Variants in FGGY observed in about 807,000 individuals in gnomAD.
FGGY encodes the protein FGGY carbohydrate kinase domain-containing protein.
Under a neutral mutation model 71.3 loss-of-function variants are expected in FGGY, and 72 were observed. The ratio of observed to expected loss-of-function variants is 1.01; its 90% CI spans 0.84 to 1.23. The LOEUF is 1.23. FGGY is among the 50% of genes most tolerant of loss of function. The pLI, the probability that FGGY is intolerant of heterozygous loss-of-function variation, is 0.00. For missense variants in FGGY, 668 were observed against 682.3 expected (o/e 0.98, Z 0.23); for synonymous variants, 251 against 250.3 (o/e 1.00, Z -0.02).
chr1:59,563,405 T>TA (rs1394525617), intron 8 of FGGY, among the ~76,000 whole-genome samples: 1 of 152,074 alleles, frequency 6.6e-6, no homozygotes, highest in Non-Finnish European at 1.5e-5. Flanking sequence ...ACACCAATAA[T>TA]AGAGAGTCAA....
intron 5 of FGGY, among the ~76,000 whole-genome samples, chr1:59,387,455 A>T (rs182705527): frequency 1.3e-5 from 2 of 152,030 alleles, no homozygotes; most frequent in East Asian, 3.9e-4. Flanking sequence ...TTTATCAACC[A>T]CTTATTTATG....
At chr1:59,378,260 A>G (rs1198941488) in intron 4 of FGGY, among the ~76,000 whole-genome samples, 1 of 151,968 alleles carries the variant, frequency 6.6e-6, no homozygotes, top group Non-Finnish European at 1.5e-5. Context: ...TTGAATCATG[A>G]GGGCAGTTTT....
chr1:59,708,610 T>G (rs145285113), intron 14 of FGGY, among the ~76,000 whole-genome samples: 19 of 152,290 alleles, frequency 1.2e-4, no homozygotes, highest in African/African-American at 3.1e-4. Context: ...GGAGGTTATG[T>G]GAGGTGGGTA....
chr1:59,707,401 AG>A (rs2097764279), intron 14 of FGGY, among the ~76,000 whole-genome samples: 1 of 152,074 alleles, frequency 6.6e-6, no homozygotes, highest in South Asian at 2.1e-4. Flanking sequence ...CTGTAGGAGG[AG>A]GGGGAGAGAG....
At chr1:59,717,584 G>A (rs1339691379) in intron 14 of FGGY, among the ~76,000 whole-genome samples, 1 of 152,120 alleles carries the variant, frequency 6.6e-6, no homozygotes, top group Non-Finnish European at 1.5e-5. Context: ...TTGGGTTTGG[G>A]ATGGCTGAAG....
chr1:59,540,104 G>A (rs894058787), intron 7 of FGGY, among the ~76,000 whole-genome samples: 9 of 152,186 alleles, frequency 5.9e-5, no homozygotes, highest in East Asian at 1.9e-4. Flanking sequence ...AAAATCAAAC[G>A]GTTTGATAAT....
chr1:59,465,708 C>G (rs2092577940), intron 6 of FGGY, among the ~76,000 whole-genome samples: 1 of 151,666 alleles, frequency 6.6e-6, no homozygotes, highest in African/African-American at 2.4e-5. Context: ...TCCTATACAC[C>G]AACAACAGAC....
chr1:59,659,235 G>A (rs1468490792), intron 11 of FGGY, among the ~76,000 whole-genome samples: 1 of 152,136 alleles, frequency 6.6e-6, no homozygotes, highest in Non-Finnish European at 1.5e-5. Flanking sequence ...TCCTGGTTTG[G>A]GTAACTGAAT....
chr1:59,452,307 A>G (rs1293891205), intron 5 of FGGY, among the ~76,000 whole-genome samples: 4 of 152,162 alleles, frequency 2.6e-5, no homozygotes, highest in Non-Finnish European at 5.9e-5. Context: ...AAAGATAAAG[A>G]TAAAATTCAG....
At chr1:59,738,420 A>G (rs2098122702) in intron 14 of FGGY, among the ~76,000 whole-genome samples, 1 of 152,260 alleles carries the variant, frequency 6.6e-6, no homozygotes, top group Non-Finnish European at 1.5e-5. Flanking sequence ...CAAGAATTGG[A>G]ATAAAAGGTA....
At chr1:59,481,066 A>T (rs1381388987) in intron 6 of FGGY, among the ~76,000 whole-genome samples, 1 of 109,304 alleles carries the variant, frequency 9.1e-6, no homozygotes, top group South Asian at 2.8e-4. Flanking sequence ...TATACAATTT[A>T]TAAGTAATAG....
At chr1:59,296,854 G>A (rs1375211148), upstream of FGGY, 1 of 152,372 alleles carries the variant, frequency 6.6e-6, no homozygotes, top group Non-Finnish European at 1.5e-5. Flanking sequence ...GGTTCGGCGC[G>A]GCTACGTGCA....
At chr1:59,540,359 C>T (rs987750544) in intron 7 of FGGY, among the ~76,000 whole-genome samples, 1 of 152,216 alleles carries the variant, frequency 6.6e-6, no homozygotes, top group Non-Finnish European at 1.5e-5. Flanking sequence ...TAGAATTCAT[C>T]AATGTTTGGT....
intron 8 of FGGY, among the ~76,000 whole-genome samples, chr1:59,587,846 A>T (rs1450250528): frequency 6.6e-6 from 1 of 152,188 alleles, no homozygotes; most frequent in Non-Finnish European, 1.5e-5. Context: ...AAAGATGGGG[A>T]AAAAACAGAG....
At chr1:59,306,090 T>C (rs1282695974) in intron 1 of FGGY, among the ~76,000 whole-genome samples, 2 of 152,256 alleles carry the variant, frequency 1.3e-5, no homozygotes, top group African/African-American at 2.4e-5. Context: ...GTGATTACTC[T>C]GTTGCCTGAT....
At chr1:59,634,207 C>A (rs2096934490) in intron 10 of FGGY, among the ~76,000 whole-genome samples, 1 of 152,084 alleles carries the variant, frequency 6.6e-6, no homozygotes, top group South Asian at 2.1e-4. Flanking sequence ...GAGATCAAGA[C>A]CATCCTGGCC....
intron 1 of FGGY, among the ~76,000 whole-genome samples, chr1:59,314,125 T>A (rs948699605): frequency 6.6e-6 from 1 of 151,996 alleles, no homozygotes; most frequent in Non-Finnish European, 1.5e-5. Flanking sequence ...GCCACCACAC[T>A]CGGCTAATTT....
intron 6 of FGGY, among the ~76,000 whole-genome samples, chr1:59,510,447 G>A (rs1258046911): frequency 2.0e-5 from 3 of 152,130 alleles, no homozygotes; most frequent in Non-Finnish European, 2.9e-5. Flanking sequence ...TTAAGATATT[G>A]TCCAGAACCG....
At chr1:59,662,490 C>A (rs2097286312) in intron 12 of FGGY, among the ~76,000 whole-genome samples, 3 of 152,096 alleles carry the variant, frequency 2.0e-5, no homozygotes, top group African/African-American at 4.8e-5. Context: ...TAGCTTGTGG[C>A]AGAGGTGGGA....
Sources: allele counts gnomAD v4.1 joint callset (sites outside exome capture counted in the v4.1 genomes callset), GRCh38; gene constraint gnomAD v4.1.1; transcripts MANE v1.5; gene names NCBI Gene and HGNC (gene_info 2026-07-23, HGNC 2026-07-21).